Variants in ERCC6L2 observed in about 807,000 individuals in gnomAD.
ERCC6L2 encodes DNA excision repair protein ERCC-6-like 2.
ERCC6L2 carries 77 observed loss-of-function variants against 132.0 expected under a neutral mutation model. The observed-to-expected ratio is 0.58, with a 90% CI of 0.49 to 0.71. The LOEUF is 0.71. Ranked by LOEUF, ERCC6L2 falls within the 30% of genes least tolerant of loss-of-function variation. ERCC6L2 has a pLI of 0.00. For missense variants in ERCC6L2, 1,542 were observed against 1,837.6 expected (o/e 0.84, Z 2.94); for synonymous variants, 583 against 632.4 (o/e 0.92, Z 1.17).
chr9:95,991,898 G>A (rs977277671), intron 17 of ERCC6L2, among the ~76,000 whole-genome samples: 21 of 152,076 alleles, frequency 1.4e-4, no homozygotes, highest in Non-Finnish European at 2.5e-4. Flanking sequence ...TTACTGAAAG[G>A]TTTCAGATTT....
At position 95,971,790 on chromosome 9, in the gene ERCC6L2, T is replaced by A. The variant is rs139506468; in HGVS notation, c.2182-143T>A. ...GACTATGATATTAAATCCTTAACAT[T>A]TGTTTATTAAATGTTGTACTTTTAG... On this transcript the variant is annotated intron_variant, in intron 15 of 18. Transcript: ENST00000653738. 2.6e-5 allele frequency: 8 copies of A among 306,454 alleles called. No individual in the cohort carries two copies. In the East Asian group the frequency reaches 7.0e-4, roughly 27 times the overall value. 19.0% of individuals were successfully genotyped at this position (306,454 alleles called of 1,614,324 possible). A position where few individuals can be genotyped will look rare whatever the true frequency, so the allele number is the denominator to read the frequency against.
intron 12 of ERCC6L2, among the ~76,000 whole-genome samples, chr9:95,951,981 A>AACAC (rs1756413148): frequency 6.6e-6 from 1 of 151,890 alleles, no homozygotes; most frequent in South Asian, 2.1e-4. Context: ...CATCCTGGCC[A>AACAC]ACACACTGAA....
intron 13 of ERCC6L2, among the ~76,000 whole-genome samples, chr9:95,959,252 C>G (rs951614050): frequency 6.0e-5 from 9 of 149,326 alleles, no homozygotes; most frequent in African/African-American, 1.7e-4. Context: ...TGATCTTTGA[C>G]AAACCTGAGA....
At chr9:95,939,529 A>G (rs78181208) in intron 11 of ERCC6L2, among the ~76,000 whole-genome samples, 1 of 152,258 alleles carries the variant, frequency 6.6e-6, no homozygotes, top group Middle Eastern at 3.4e-3. Context: ...TATTTCGTGA[A>G]TGATACTGGT....
At chr9:95,988,862 C>T (rs1282157608) in intron 17 of ERCC6L2, among the ~76,000 whole-genome samples, 2 of 152,230 alleles carry the variant, frequency 1.3e-5, no homozygotes, top group East Asian at 1.9e-4. Flanking sequence ...AGACTACCTA[C>T]AGCTTGTCAG....
intron 12 of ERCC6L2, among the ~76,000 whole-genome samples, chr9:95,949,184 T>C (rs1831210506): frequency 6.6e-6 from 1 of 152,034 alleles, no homozygotes; most frequent in African/African-American, 2.4e-5. Flanking sequence ...TTATTTAATC[T>C]GAGGAGCAAA....
chr9:95,985,510 A>G (rs1833061961), intron 17 of ERCC6L2, among the ~76,000 whole-genome samples: 1 of 152,218 alleles, frequency 6.6e-6, no homozygotes, highest in Non-Finnish European at 1.5e-5. Flanking sequence ...CATTGTCATT[A>G]TATGTCATCT....
At chr9:95,997,232 A>C (rs1371032497) in intron 17 of ERCC6L2, among the ~76,000 whole-genome samples, 4 of 152,248 alleles carry the variant, frequency 2.6e-5, no homozygotes, top group Non-Finnish European at 5.9e-5. Context: ...ATTTCAAAAT[A>C]TCTACATTAA....
chr9:96,019,130 T>C (rs893158731), downstream of ERCC6L2, among the ~76,000 whole-genome samples: 7 of 152,252 alleles, frequency 4.6e-5, no homozygotes, highest in African/African-American at 1.4e-4. Context: ...ACTAAAATTA[T>C]TGGCCTCCCT....
intron 17 of ERCC6L2, among the ~76,000 whole-genome samples, chr9:95,983,876 G>A (rs561383694): frequency 2.6e-5 from 4 of 152,192 alleles, no homozygotes; most frequent in Non-Finnish European, 5.9e-5. Context: ...TTACATCGCT[G>A]TGGTCTTTGA....
intron 2 of ERCC6L2, among the ~76,000 whole-genome samples, chr9:95,893,515 G>A (rs141898458): frequency 2.9e-4 from 44 of 152,248 alleles, no homozygotes; most frequent in African/African-American, 9.6e-4. Context: ...GAAAGGGTCT[G>A]TTACAGATTG....
intron 9 of ERCC6L2, 81 bp downstream of exon 9, chr9:95,923,460 T>G: frequency 6.7e-7 from 1 of 1,498,164 alleles, no homozygotes; most frequent in Non-Finnish European, 9.2e-7. Flanking sequence ...CACCAACTAA[T>G]CAGAACAGGT....
intron 11 of ERCC6L2, among the ~76,000 whole-genome samples, chr9:95,934,889 C>T (rs188620465): frequency 4.9e-4 from 75 of 152,222 alleles, no homozygotes; most frequent in African/African-American, 1.8e-3. Flanking sequence ...TGTCAACTTT[C>T]CCAGAAAGAT....
At chr9:95,961,576 A>G (rs1040190441) in intron 13 of ERCC6L2, among the ~76,000 whole-genome samples, 6 of 152,212 alleles carry the variant, frequency 3.9e-5, no homozygotes, top group African/African-American at 1.4e-4. Flanking sequence ...GCAAATACAG[A>G]GTATTGTAAA....
chr9:95,951,750 A>G (rs1831341164), intron 12 of ERCC6L2, among the ~76,000 whole-genome samples: 1 of 133,532 alleles, frequency 7.5e-6, no homozygotes, highest in Non-Finnish European at 1.6e-5. Flanking sequence ...TGTCATGAAG[A>G]CATAGAAACC....
chr9:95,887,806 A>G (rs1827953296), intron 2 of ERCC6L2, among the ~76,000 whole-genome samples: 1 of 152,180 alleles, frequency 6.6e-6, no homozygotes, highest in Non-Finnish European at 1.5e-5. Context: ...TGGGATCTCA[A>G]GTCATGTTAT....
chr9:95,947,171 T>C (rs1831103078), intron 12 of ERCC6L2, among the ~76,000 whole-genome samples: 1 of 152,144 alleles, frequency 6.6e-6, no homozygotes, highest in East Asian at 1.9e-4. Context: ...GGCCAAGTTG[T>C]GAATGCAAAG....
At chr9:95,974,118 T>A (rs1044162983) in intron 16 of ERCC6L2, among the ~76,000 whole-genome samples, 14 of 152,204 alleles carry the variant, frequency 9.2e-5, no homozygotes, top group African/African-American at 3.4e-4. Context: ...CAGCCATTGA[T>A]ACTTAATACC....
Position 95,881,137 on chromosome 9 carries a change from T to C in ERCC6L2, c.315T>C (p.Ala105=), listed in dbSNP as rs1334157311. The change falls in exon 2 of 19, where the codon GCT becomes GCC. Residue 105 remains alanine (A), a synonymous_variant. Transcript: ENST00000653738. ...PNRKFPSSSV[A]FKLSDNGDSI... is the part of the protein sequence containing the mutation. ...GAAAATTTCCATCATCTTCTGTTGC[T>C]TTTAAATTATCTGACAATGGAGACT... The C allele has an allele frequency of 1.9e-6, 3 of 1,613,696 alleles. No individual in the cohort carries two copies. Among genetic ancestry groups the C allele is most frequent in the African/African-American group, 1.3e-5 (1 of 74,878 alleles).
Sources: gnomAD v4.1 joint callset for allele counts (sites outside exome capture counted in the v4.1 genomes callset) on GRCh38, gnomAD v4.1.1 for gene constraint, MANE v1.5 for transcripts, NCBI Gene and HGNC (gene_info 2026-07-23, HGNC 2026-07-21) for gene names.